DGCR2: variants seen among roughly 807,000 people sequenced by gnomAD.
The protein encoded by DGCR2 is DiGeorge syndrome critical region gene 2.
DGCR2 carries 24 observed loss-of-function variants against 51.6 expected under a neutral mutation model. The ratio of observed to expected loss-of-function variants is 0.47; its 90% CI spans 0.34 to 0.65. DGCR2 has a LOEUF of 0.65. Among genes scored for constraint, DGCR2 ranks in the 30% least tolerant of loss-of-function variants. The probability of loss-of-function intolerance (pLI) is 0.01; values close to 1 mark genes in which losing one functional copy is unlikely to be tolerated. For missense variants in DGCR2, 765 were observed against 772.1 expected, an observed-to-expected ratio of 0.99 and a Z score of 0.11; for synonymous variants, 340 against 315.4, an observed-to-expected ratio of 1.08 and a Z score of -0.82.
chr22:19,056,140 C>T (rs2082598845), intron 6 of DGCR2: 2 of 153,710 alleles, frequency 1.3e-5, no homozygotes, highest in African/African-American at 4.8e-5. Flanking sequence ...CACTGTGAAA[C>T]CCGCCTCTAC....
At chr22:19,076,828 T>TC (rs1440815352) in intron 2 of DGCR2, among the ~76,000 whole-genome samples, 1 of 148,788 alleles carries the variant, frequency 6.7e-6, no homozygotes, top group Non-Finnish European at 1.5e-5. Flanking sequence ...CCTCCAGGAT[T>TC]CATGCCATTC....
At chr22:19,082,063 TG>T (rs1198179326) in intron 2 of DGCR2, among the ~76,000 whole-genome samples, 2,508 of 118,882 alleles carry the variant, frequency 0.021, 27 homozygotes, top group Non-Finnish European at 0.038. Flanking sequence ...GGGTTTTTTT[TG>T]TTTTTTTTTT....
intron 1 of DGCR2, among the ~76,000 whole-genome samples, chr22:19,121,333 A>T (rs747542220): frequency 6.6e-6 from 1 of 152,204 alleles, no homozygotes; most frequent in Non-Finnish European, 1.5e-5. Context: ...TTCGAAGGCT[A>T]CTAAAAGTAC....
At chr22:19,094,020 TA>T (rs2083110592) in intron 1 of DGCR2, among the ~76,000 whole-genome samples, 1 of 107,668 alleles carries the variant, frequency 9.3e-6, no homozygotes, top group Middle Eastern at 4.2e-3. Context: ...AAAAAAATAA[TA>T]AATAAAATAG....
chr22:19,110,837 G>A (rs1028833521), intron 1 of DGCR2, among the ~76,000 whole-genome samples: 1 of 152,074 alleles, frequency 6.6e-6, no homozygotes, highest in African/African-American at 2.4e-5. Context: ...TCTGTAAAAT[G>A]AGGTTAATAT....
At chr22:19,052,916 A>G (rs1217411668) in intron 6 of DGCR2, among the ~76,000 whole-genome samples, 1 of 152,210 alleles carries the variant, frequency 6.6e-6, no homozygotes, top group Non-Finnish European at 1.5e-5. Context: ...TCATGATGAT[A>G]CCTGACAAAG....
intron 1 of DGCR2, among the ~76,000 whole-genome samples, chr22:19,101,084 C>G (rs890287695): frequency 6.6e-6 from 1 of 152,160 alleles, no homozygotes; most frequent in Non-Finnish European, 1.5e-5. Flanking sequence ...GTACTCCAGC[C>G]TGGGCATCAC....
chr22:19,087,105 G>A (rs2146008488), intron 2 of DGCR2, among the ~76,000 whole-genome samples: 1 of 152,296 alleles, frequency 6.6e-6, no homozygotes, highest in East Asian at 1.9e-4. Flanking sequence ...AGTCAGACAA[G>A]GGGAGGCTCC....
At position 19,099,518 on chromosome 22, in the gene DGCR2, G is replaced by C. The variant is rs1337110868; in HGVS notation, c.80-10028C>G. Among the ~76,000 whole-genome samples, 4 of 152,014 alleles carry C rather than the reference G, an allele frequency of 2.6e-5. 1 individual carries two copies. The stretch of plus-strand genomic sequence containing the variant: ...GAATCACCTCAGCCTGAGAAGTCAA[G>C]ACTGCAGTGAGTCACGATCACACCA... On this transcript the variant is annotated intron_variant, in intron 1 of 9. Transcript: ENST00000263196.
chr22:19,098,852 T>A (rs1487768261), intron 1 of DGCR2, among the ~76,000 whole-genome samples: 1 of 152,116 alleles, frequency 6.6e-6, no homozygotes, highest in Non-Finnish European at 1.5e-5. Context: ...CCTTATGCTC[T>A]CAAAGTTTTG....
chr22:19,094,729 C>G (rs987756824), intron 1 of DGCR2, among the ~76,000 whole-genome samples: 4 of 152,162 alleles, frequency 2.6e-5, no homozygotes, highest in African/African-American at 9.7e-5. Context: ...AAGCTGGAAA[C>G]AAACAGTGTC....
intron 1 of DGCR2, among the ~76,000 whole-genome samples, chr22:19,118,816 AAC>A (rs1209912959): frequency 5.9e-5 from 9 of 152,362 alleles, no homozygotes; most frequent in Non-Finnish European, 1.2e-4. Context: ...TAGAAAGAAA[AAC>A]AGTTTTAGAA....
chr22:19,074,003 ACT>A (rs1418740855), intron 2 of DGCR2, among the ~76,000 whole-genome samples: 1 of 152,146 alleles, frequency 6.6e-6, no homozygotes, highest in African/African-American at 2.4e-5. Flanking sequence ...GGGCCAAAGA[ACT>A]CTGACTGATA....
chr22:19,081,308 G>C (rs964870386), intron 2 of DGCR2, among the ~76,000 whole-genome samples: 1 of 152,142 alleles, frequency 6.6e-6, no homozygotes, highest in Non-Finnish European at 1.5e-5. Context: ...CTAGAATTTT[G>C]TGTATCACTG....
chr22:19,120,813 CTA>C (rs1019450526), intron 1 of DGCR2, among the ~76,000 whole-genome samples: 68 of 152,344 alleles, frequency 4.5e-4, no homozygotes, highest in African/African-American at 1.6e-3. Flanking sequence ...CTCCAAGAGC[CTA>C]TATGATACCC....
At chr22:19,049,361 G>A (rs183621974) in intron 6 of DGCR2, among the ~76,000 whole-genome samples, 93 of 152,168 alleles carry the variant, frequency 6.1e-4, no homozygotes, top group African/African-American at 2.1e-3. Flanking sequence ...GTAGGCAGAC[G>A]TTGCAAATGC....
intron 1 of DGCR2, among the ~76,000 whole-genome samples, chr22:19,110,556 C>T (rs537747447): frequency 6.6e-6 from 1 of 152,124 alleles, no homozygotes; most frequent in South Asian, 2.1e-4. Context: ...AGCAAACCAC[C>T]ATGGCACATG....
intron 6 of DGCR2, among the ~76,000 whole-genome samples, chr22:19,054,895 G>C (rs1375311905): frequency 1.3e-5 from 2 of 152,182 alleles, no homozygotes; most frequent in African/African-American, 2.4e-5. Flanking sequence ...TTGAGGTCAG[G>C]AGTTCAAGAC....
chr22:19,117,394 C>A (rs967091328), intron 1 of DGCR2, among the ~76,000 whole-genome samples: 2 of 152,238 alleles, frequency 1.3e-5, no homozygotes, highest in Middle Eastern at 3.2e-3. Context: ...TCCACCTGGG[C>A]CAACCTGGGC....
Sources: allele counts gnomAD v4.1 joint callset (sites outside exome capture counted in the v4.1 genomes callset), GRCh38; gene constraint gnomAD v4.1.1; transcripts MANE v1.5; gene names NCBI Gene and HGNC (gene_info 2026-07-23, HGNC 2026-07-21).